The following NRXN3 variants were observed in gnomAD, a reference collection of about 807,000 sequenced individuals.
NRXN3 encodes the protein neurexin 3.
In NRXN3, 32 loss-of-function variants were observed where a neutral mutation model predicts 137.6. That is an observed-to-expected ratio of 0.23 (90% CI 0.18 to 0.31). The LOEUF (loss-of-function observed/expected upper bound fraction) is 0.31. Among genes scored for constraint, NRXN3 ranks in the 10% least tolerant of loss-of-function variants. NRXN3 has a pLI of 1.00. For missense variants in NRXN3, 1,574 were observed against 2,062.5 expected (o/e 0.76, Z 4.59); for synonymous variants, 798 against 784.5 (o/e 1.02, Z -0.29).
intron 10 of NRXN3, among the ~76,000 whole-genome samples, chr14:78,826,085 A>G (rs1333051006): frequency 6.6e-6 from 1 of 152,240 alleles, no homozygotes; most frequent in Non-Finnish European, 1.5e-5. Flanking sequence ...AATGTTTTCA[A>G]TTGTCACATG....
intron 16 of NRXN3, among the ~76,000 whole-genome samples, chr14:79,496,151 AAAAG>A (rs996510268): frequency 3.4e-5 from 5 of 147,878 alleles, no homozygotes; most frequent in Admixed American, 2.0e-4. Flanking sequence ...TTCTGCTGAC[AAAAG>A]AAAGGGAAAG....
intron 10 of NRXN3, among the ~76,000 whole-genome samples, chr14:78,942,270 C>T (rs1004674276): frequency 1.3e-5 from 2 of 152,164 alleles, no homozygotes; most frequent in African/African-American, 4.8e-5. Context: ...TTCTAAAGTC[C>T]TGTTCTTGAT....
intron 16 of NRXN3, among the ~76,000 whole-genome samples, chr14:79,520,872 A>T (rs1327602589): frequency 6.6e-6 from 1 of 152,170 alleles, no homozygotes; most frequent in African/African-American, 2.4e-5. Context: ...TTCCTCAAGG[A>T]TCTAGAACAA....
intron 19 of NRXN3, among the ~76,000 whole-genome samples, chr14:79,740,488 C>T (rs2098957236): frequency 6.6e-6 from 1 of 151,630 alleles, no homozygotes; most frequent in African/African-American, 2.4e-5. Flanking sequence ...TGGATACATA[C>T]CAACACTTGC....
Position 78,850,320 on chromosome 14 carries a change from C to T in NRXN3, c.2275+39976C>T, listed in dbSNP as rs555626433. On this transcript the variant is annotated intron_variant, in intron 10 of 20. Coordinates refer to ENST00000335750, the MANE Select transcript of NRXN3 (RefSeq NM_001330195.2). Reference sequence around the variant, plus strand: ...ATATGGTCTCTCAGTGACAAAGTGACCATAATACCTCAGGCCTTTACCAAG... The same window carrying T: ...ATATGGTCTCTCAGTGACAAAGTGATCATAATACCTCAGGCCTTTACCAAG... 1.5e-4 allele frequency among the ~76,000 whole-genome samples: 23 copies of T among 152,094 alleles called. 1 individual carries two copies. Among genetic ancestry groups the T allele is most frequent in the Non-Finnish European group, 3.1e-4 (21 of 68,002 alleles).
At chr14:79,172,302 GA>G (rs142455230) in intron 15 of NRXN3, among the ~76,000 whole-genome samples, 3,788 of 151,996 alleles carry the variant, frequency 0.025, 126 homozygotes, top group African/African-American at 0.071. Flanking sequence ...GTAGAATGGA[GA>G]AAAAAAATTC....
chr14:78,738,926 C>A (rs1466847887), intron 8 of NRXN3, among the ~76,000 whole-genome samples: 1 of 152,154 alleles, frequency 6.6e-6, no homozygotes, highest in African/African-American at 2.4e-5. Flanking sequence ...CAGAAAAAAA[C>A]CCAGAACATT....
At position 78,300,718 on chromosome 14, in the gene NRXN3, A is replaced by T. The variant is rs182816410; in HGVS notation, c.757+2858A>T. ...TAGAGCTCACTTTATTTTTATCATT[A>T]TAACTATCAATCTGCCTTTTGAAAT... On this transcript the variant is annotated intron_variant, in intron 4 of 20. Transcript: ENST00000335750. 1.5e-5 allele frequency: 22 copies of T among 1,462,546 alleles called. No homozygotes were observed. In the Admixed American group the frequency reaches 4.3e-4, roughly 29 times the overall value. The allele number at this position is 1,462,546 out of a possible 1,614,324, so 90.6% of individuals were successfully genotyped here. A position where few individuals can be genotyped will look rare whatever the true frequency, so the allele number is the denominator to read the frequency against.
intron 8 of NRXN3, among the ~76,000 whole-genome samples, chr14:78,797,384 A>G (rs1397903818): frequency 6.6e-6 from 1 of 152,216 alleles, no homozygotes; most frequent in Non-Finnish European, 1.5e-5. Flanking sequence ...AGGCAATAGA[A>G]ACTGCCTTTG....
chr14:79,254,298 T>G (rs2076302681), intron 15 of NRXN3, among the ~76,000 whole-genome samples: 3 of 152,136 alleles, frequency 2.0e-5, no homozygotes, highest in African/African-American at 4.8e-5. Flanking sequence ...CTCAGTTGAA[T>G]CTAAGCATTC....
At chr14:79,416,901 A>T (rs929434950) in intron 15 of NRXN3, among the ~76,000 whole-genome samples, 18 of 152,170 alleles carry the variant, frequency 1.2e-4, no homozygotes, top group African/African-American at 3.9e-4. Context: ...ATGGTTAGCC[A>T]TTTTTTAGAA....
In NRXN3 at chr14:78,308,082, A is replaced by G. The variant is rs141742522; in HGVS notation, c.757+10222A>G. ...ATTGGGATGAAAAATGTTGCTTAAT[A>G]ACATTTTCTTGTTTTTTTTTTATGA... On this transcript the variant is annotated intron_variant, in intron 4 of 20. Coordinates refer to ENST00000335750, the MANE Select transcript of NRXN3 (RefSeq NM_001330195.2). 5.6e-5 allele frequency among the ~76,000 whole-genome samples: 8 copies of G among 142,904 alleles called. No individual in the cohort carries two copies. The East Asian group carries it at 1.7e-3, about 29-fold the overall frequency. 93.8% of individuals were successfully genotyped at this position (142,904 alleles called of 152,430 possible). A position where few individuals can be genotyped will look rare whatever the true frequency, so the allele number is the denominator to read the frequency against.
At chr14:78,415,971 G>C (rs745662726) in intron 4 of NRXN3, among the ~76,000 whole-genome samples, 10 of 152,024 alleles carry the variant, frequency 6.6e-5, no homozygotes, top group Non-Finnish European at 1.5e-5. Context: ...GCTGTACTCT[G>C]TTATAGCAGC....
intron 15 of NRXN3, among the ~76,000 whole-genome samples, chr14:79,038,556 C>T (rs2099620018): frequency 6.6e-6 from 1 of 152,014 alleles, no homozygotes; most frequent in South Asian, 2.1e-4. Context: ...AAATTGCTTC[C>T]AAATTTCTGA....
chr14:78,348,148 G>A (rs946733402), intron 4 of NRXN3, among the ~76,000 whole-genome samples: 1 of 152,128 alleles, frequency 6.6e-6, no homozygotes, highest in East Asian at 1.9e-4. Context: ...CAGGTCCTCT[G>A]TGTTTTCTCA....
At chr14:78,604,772 C>T (rs914678058) in intron 4 of NRXN3, among the ~76,000 whole-genome samples, 6 of 152,126 alleles carry the variant, frequency 3.9e-5, no homozygotes, top group African/African-American at 1.2e-4. Context: ...CAAGAGAAAA[C>T]CTTTTACCCT....
intron 4 of NRXN3, among the ~76,000 whole-genome samples, chr14:78,319,033 GTGGACCAT>G (rs2079032441): frequency 6.6e-6 from 1 of 152,202 alleles, no homozygotes. Context: ...TTGCTGGTAT[GTGGACCAT>G]TCTTTGGAGG....
chr14:79,856,479 G>T (rs1421903144), intron 20 of NRXN3, among the ~76,000 whole-genome samples: 2 of 152,074 alleles, frequency 1.3e-5, no homozygotes, highest in African/African-American at 2.4e-5. Context: ...TATATAAAAA[G>T]AATTCAAGGA....
chr14:78,523,918 A>G (rs2096332698), intron 4 of NRXN3, among the ~76,000 whole-genome samples: 1 of 151,958 alleles, frequency 6.6e-6, no homozygotes, highest in South Asian at 2.1e-4. Context: ...ACAGCTGGTA[A>G]ACAGTGGAGA....
Sources: gnomAD v4.1 joint callset for allele counts (sites outside exome capture counted in the v4.1 genomes callset) on GRCh38, gnomAD v4.1.1 for gene constraint, MANE v1.5 for transcripts, NCBI Gene and HGNC (gene_info 2026-07-23, HGNC 2026-07-21) for gene names.